Variants in OSBPL10 observed in about 807,000 individuals in gnomAD.
OSBPL10 encodes oxysterol binding protein like 10.
A neutral mutation model predicts 81.7 loss-of-function variants in OSBPL10; 49 were observed. That is an observed-to-expected ratio of 0.60 (90% CI 0.48 to 0.76). The LOEUF is 0.76. OSBPL10 is among the 30% of genes least tolerant of loss of function. OSBPL10 has a pLI of 0.00. For synonymous variants in OSBPL10, 419 were observed against 383.6 expected (o/e 1.09, Z -1.08); for missense variants, 923 against 987.8 (o/e 0.93, Z 0.88).
chr3:31,912,554 A>C (rs959180627), intron 1 of OSBPL10, among the ~76,000 whole-genome samples: 1 of 152,174 alleles, frequency 6.6e-6, no homozygotes, highest in Non-Finnish European at 1.5e-5. Flanking sequence ...AAGGCACCCA[A>C]GAAGCTCTCG....
intron 4 of OSBPL10, among the ~76,000 whole-genome samples, chr3:31,750,571 G>T (rs537226277): frequency 6.6e-6 from 1 of 152,174 alleles, no homozygotes; most frequent in Non-Finnish European, 1.5e-5. Flanking sequence ...AAGATAAAAC[G>T]TCTATGTATT....
chr3:31,662,394 A>T (rs1242657047), intron 11 of OSBPL10: 1 of 1,175,380 alleles, frequency 8.5e-7, no homozygotes, highest in African/African-American at 1.6e-5. Context: ...TACTTGGCCA[A>T]AAAAAAGAAG....
intron 1 of OSBPL10, among the ~76,000 whole-genome samples, chr3:31,922,855 T>G (rs1211312424): frequency 6.6e-6 from 1 of 152,068 alleles, no homozygotes; most frequent in Non-Finnish European, 1.5e-5. Flanking sequence ...CCTGCCTTAA[T>G]TCTAAAATGT....
At chr3:31,914,264 C>G (rs182792728) in intron 1 of OSBPL10, among the ~76,000 whole-genome samples, 1 of 152,306 alleles carries the variant, frequency 6.6e-6, no homozygotes, top group East Asian at 1.9e-4. Context: ...GATCAGTTAT[C>G]TCCCTAGAAT....
At chr3:31,677,165 T>C (rs1700500594) in intron 8 of OSBPL10, among the ~76,000 whole-genome samples, 1 of 152,154 alleles carries the variant, frequency 6.6e-6, no homozygotes, top group South Asian at 2.1e-4. Flanking sequence ...GCAGGAAATA[T>C]GCGAGGGAAG....
intron 4 of OSBPL10, among the ~76,000 whole-genome samples, chr3:31,803,852 C>T (rs1699457014): frequency 6.6e-6 from 1 of 152,182 alleles, no homozygotes; most frequent in African/African-American, 2.4e-5. Flanking sequence ...TGATGTTGTA[C>T]CTTCTCAATG....
intron 4 of OSBPL10, 32 bp from the exon 5 acceptor site, chr3:31,748,152 G>A (rs548935325): frequency 8.2e-6 from 13 of 1,576,582 alleles, no homozygotes; most frequent in South Asian, 8.0e-5. Context: ...AGGAGGTGAG[G>A]GGCGGAAGTT....
At chr3:31,717,466 G>A (rs968028018) in intron 6 of OSBPL10, among the ~76,000 whole-genome samples, 1 of 152,116 alleles carries the variant, frequency 6.6e-6, no homozygotes, top group African/African-American at 2.4e-5. Context: ...CAAGAAGAAA[G>A]CATCTGGCAG....
chr3:31,720,998 T>G (rs1249241269), intron 6 of OSBPL10, among the ~76,000 whole-genome samples: 3 of 152,106 alleles, frequency 2.0e-5, no homozygotes, highest in Non-Finnish European at 4.4e-5. Context: ...TCAGCTGATC[T>G]TAAAACAGGG....
At chr3:31,908,508 C>T (rs2125688689) in intron 1 of OSBPL10, among the ~76,000 whole-genome samples, 1 of 152,294 alleles carries the variant, frequency 6.6e-6, no homozygotes, top group East Asian at 1.9e-4. Flanking sequence ...TGTTGCTCTA[C>T]CAGCTGATCT....
intron 3 of OSBPL10, among the ~76,000 whole-genome samples, chr3:31,842,466 G>A (rs1197413478): frequency 6.6e-6 from 1 of 152,208 alleles, no homozygotes; most frequent in African/African-American, 2.4e-5. Context: ...TTAATACAGG[G>A]AGGAAGACAG....
At chr3:31,772,750 A>G (rs1698419324) in intron 4 of OSBPL10, among the ~76,000 whole-genome samples, 1 of 152,260 alleles carries the variant, frequency 6.6e-6, no homozygotes, top group African/African-American at 2.4e-5. Context: ...GTGTCTGGAA[A>G]TGACCACAAA....
At chr3:31,899,365 T>C (rs1696166679) in intron 1 of OSBPL10, among the ~76,000 whole-genome samples, 1 of 151,528 alleles carries the variant, frequency 6.6e-6, no homozygotes, top group South Asian at 2.1e-4. Context: ...AGAATAAAAA[T>C]GCAATATATC....
Position 32,012,466 on chromosome 3 carries a change from C to A in OSBPL10, n.298+34025G>T, listed in dbSNP as rs528626526. ...AGCACTAAACATGGAAAGGAACAACCAGTATCAGCCACTGCAAAAACATGC... is the reference window on the plus strand; with the variant it reads ...AGCACTAAACATGGAAAGGAACAACAAGTATCAGCCACTGCAAAAACATGC... On this transcript the variant is annotated intron_variant and non_coding_transcript_variant, in intron 2 of 3. Coordinates refer to the OSBPL10 transcript ENST00000479173. 5.3e-5 allele frequency among the ~76,000 whole-genome samples: 8 copies of A among 152,304 alleles called. No homozygotes were observed. The South Asian group carries it at 1.5e-3, about 28-fold the overall frequency.
At chr3:31,972,028 A>G (rs770662951) in intron 1 of OSBPL10, among the ~76,000 whole-genome samples, 3 of 152,230 alleles carry the variant, frequency 2.0e-5, no homozygotes, top group Admixed American at 2.0e-4. Context: ...TCCACCAGGC[A>G]TAATTTCAAG....
At chr3:32,071,249 C>G (rs1699826545) in intron 1 of OSBPL10, among the ~76,000 whole-genome samples, 1 of 152,200 alleles carries the variant, frequency 6.6e-6, no homozygotes, top group Non-Finnish European at 1.5e-5. Flanking sequence ...CCAACTCCTT[C>G]TATAAAACAA....
intron 1 of OSBPL10, among the ~76,000 whole-genome samples, chr3:31,912,642 C>T (rs1054835000): frequency 1.2e-4 from 19 of 152,278 alleles, no homozygotes; most frequent in Admixed American, 3.9e-4. Flanking sequence ...GCATGTCTCT[C>T]CTTTGATGCT....
At chr3:32,033,890 A>G (rs1292582375) in intron 2 of OSBPL10, among the ~76,000 whole-genome samples, 1 of 152,150 alleles carries the variant, frequency 6.6e-6, no homozygotes, top group Non-Finnish European at 1.5e-5. Context: ...TAGCAAGGAT[A>G]TTAGTCCATT....
chr3:31,777,136 A>G (rs1034465869), intron 4 of OSBPL10, among the ~76,000 whole-genome samples: 2 of 152,210 alleles, frequency 1.3e-5, no homozygotes, highest in African/African-American at 4.8e-5. Context: ...CCTTCTGAAA[A>G]CTTTCATTTA....
Sources: allele counts gnomAD v4.1 joint callset (sites outside exome capture counted in the v4.1 genomes callset), GRCh38; gene constraint gnomAD v4.1.1; transcripts MANE v1.5; gene names NCBI Gene and HGNC (gene_info 2026-07-23, HGNC 2026-07-21).